The following INTS9 variants were observed in gnomAD, a reference collection of about 807,000 sequenced individuals.
The protein encoded by INTS9 is protein related to CPSF subunits of 74 kDa.
Under a neutral mutation model 79.7 loss-of-function variants are expected in INTS9, and 55 were observed. The ratio of observed to expected loss-of-function variants is 0.69; its 90% CI spans 0.56 to 0.86. The LOEUF is 0.86. INTS9 is among the 40% of genes least tolerant of loss of function. INTS9 has a pLI of 0.00. For missense variants in INTS9, 721 were observed against 831.5 expected (o/e 0.87, Z 1.64); for synonymous variants, 319 against 325.2 (o/e 0.98, Z 0.20).
chr8:28,816,077 T>C (rs1351536723), intron 6 of INTS9, among the ~76,000 whole-genome samples: 1 of 151,862 alleles, frequency 6.6e-6, no homozygotes, highest in Non-Finnish European at 1.5e-5. Flanking sequence ...ATATTTAAGA[T>C]ACTCAAAGAA....
chr8:28,851,735 C>A (rs1229846041), intron 2 of INTS9, among the ~76,000 whole-genome samples: 1 of 151,582 alleles, frequency 6.6e-6, no homozygotes, highest in African/African-American at 2.4e-5. Context: ...CTGCACCCAG[C>A]CGGGGGTGGG....
intron 10 of INTS9, among the ~76,000 whole-genome samples, chr8:28,788,156 G>C (rs34195227): frequency 0.082 from 12,453 of 152,214 alleles, 706 homozygotes; most frequent in Non-Finnish European, 0.12. Context: ...AAGCTGCAAA[G>C]ACAGTACAGA....
chr8:28,860,412 A>G (rs532305606), intron 1 of INTS9, among the ~76,000 whole-genome samples: 2 of 152,210 alleles, frequency 1.3e-5, no homozygotes, highest in Admixed American at 1.3e-4. Context: ...CCCTCCCTTG[A>G]GCAACAGAGC....
At chr8:28,795,922 T>G (rs1182925852) in intron 9 of INTS9, among the ~76,000 whole-genome samples, 1 of 152,216 alleles carries the variant, frequency 6.6e-6, no homozygotes, top group East Asian at 1.9e-4. Context: ...GAAAATAAAT[T>G]TCTTCCAGGT....
chr8:28,781,782 T>C (rs1803282100), intron 11 of INTS9, among the ~76,000 whole-genome samples: 1 of 151,890 alleles, frequency 6.6e-6, no homozygotes, highest in African/African-American at 2.4e-5. Flanking sequence ...TCGTGGAGAG[T>C]GAAATGAACA....
chr8:28,794,217 T>C (rs573742517), intron 9 of INTS9, among the ~76,000 whole-genome samples: 1 of 152,204 alleles, frequency 6.6e-6, no homozygotes, highest in Non-Finnish European at 1.5e-5. Flanking sequence ...ATAGAGCATG[T>C]GACTACGGGT....
At chr8:28,830,353 G>A (rs1381154704) in intron 6 of INTS9, among the ~76,000 whole-genome samples, 8 of 152,060 alleles carry the variant, frequency 5.3e-5, no homozygotes, top group Non-Finnish European at 1.2e-4. Flanking sequence ...AGCTCTTCAG[G>A]CCAGGCATGG....
chr8:28,881,252 G>T (rs1185022172), intron 1 of INTS9, among the ~76,000 whole-genome samples: 99 of 136,800 alleles, frequency 7.2e-4, no homozygotes, highest in African/African-American at 2.4e-3. Flanking sequence ...GGAGGGAGGT[G>T]GGGGGGTCAG....
Position 28,777,235 on chromosome 8 carries a change from C to T in INTS9, c.1395+594G>A, listed in dbSNP as rs1297528680. ...TTCCTCGCCGGTGTCAGCTGTCCTCCTTGCCAATTCCAGTTCCTCTCCCGA... is the reference window on the plus strand; with the variant it reads ...TTCCTCGCCGGTGTCAGCTGTCCTCTTTGCCAATTCCAGTTCCTCTCCCGA... On this transcript the variant is annotated intron_variant, in intron 13 of 16. Transcript: ENST00000521022. Among the ~76,000 whole-genome samples, 3 of 152,100 alleles carry T rather than the reference C, an allele frequency of 2.0e-5. No homozygotes were observed. In the East Asian group the frequency reaches 5.8e-4, roughly 29 times the overall value.
Position 28,768,268 on chromosome 8 carries a change from G to A in INTS9, c.1855C>T (p.Leu619Phe). Residue 619 changes from leucine (L) to phenylalanine (F), a missense_variant, in exon 17 of 17, where the codon CTC becomes TTC. Coordinates refer to ENST00000521022, the MANE Select transcript of INTS9 (RefSeq NM_018250.4). ...EDTAKGHIVL[L>F]QEAETLIQIE... ...TGGATGAGCGTCTCAGCCTCCTGGA[G>A]CAGGACGATATGGCCCTTGGCTGTG... 6.2e-7 allele frequency: 1 copy of A among 1,614,044 alleles called. No individual in the cohort carries two copies. The highest frequency in any genetic ancestry group is 1.1e-5 in the South Asian group (1 of 91,082).
intron 10 of INTS9, among the ~76,000 whole-genome samples, chr8:28,789,475 G>T (rs754100249): frequency 5.8e-5 from 8 of 136,910 alleles, no homozygotes; most frequent in Non-Finnish European, 1.4e-4. Flanking sequence ...GTGTATACCA[G>T]ATTATCAGGA....
intron 16 of INTS9, 56 bp from the exon 17 acceptor site, chr8:28,768,378 T>C (rs770389884): frequency 1.3e-6 from 2 of 1,514,446 alleles, no homozygotes; most frequent in Non-Finnish European, 1.8e-6. Context: ...CTGTGAGATC[T>C]GTAAATGACA....
intron 6 of INTS9, among the ~76,000 whole-genome samples, chr8:28,826,486 CT>C (rs1369358458): frequency 6.6e-6 from 1 of 152,212 alleles, no homozygotes; most frequent in Non-Finnish European, 1.5e-5. Flanking sequence ...CTGGTCCAGT[CT>C]GACCTGCCCG....
intron 4 of INTS9, among the ~76,000 whole-genome samples, chr8:28,843,260 G>A (rs893075885): frequency 5.3e-5 from 8 of 152,144 alleles, no homozygotes; most frequent in Non-Finnish European, 7.3e-5. Flanking sequence ...AAAAAAACCC[G>A]AGTGCATTTG....
Position 28,866,001 on chromosome 8 carries a change from C to T in INTS9, c.10-6438G>A, listed in dbSNP as rs544926513. On this transcript the variant is annotated intron_variant, in intron 1 of 16. Transcript: ENST00000521022. ...GGGTATTTTCTTCAGATTTATCTTA[C>T]ATTTTGCTAATTCTTTCTTTAGTGG... is the stretch of plus-strand genomic sequence containing the variant. 4.9e-4 allele frequency among the ~76,000 whole-genome samples: 75 copies of T among 151,982 alleles called. 1 individual carries two copies. Among genetic ancestry groups the T allele is most frequent in the African/African-American group, 1.8e-3 (73 of 41,448 alleles).
intron 10 of INTS9, 161 bp downstream of exon 10, chr8:28,793,646 C>T (rs775139186): frequency 1.1e-5 from 7 of 648,696 alleles, no homozygotes; most frequent in Non-Finnish European, 1.5e-5. Context: ...AGCAATGCAA[C>T]AGATTTGGCT....
chr8:28,797,533 G>C (rs970298696), intron 8 of INTS9, among the ~76,000 whole-genome samples: 25 of 152,008 alleles, frequency 1.6e-4, no homozygotes, highest in African/African-American at 5.8e-4. Flanking sequence ...GAACTCCCAG[G>C]GCACACTACT....
chr8:28,877,748 T>C (rs2131361851), intron 1 of INTS9, among the ~76,000 whole-genome samples: 1 of 152,344 alleles, frequency 6.6e-6, no homozygotes, highest in African/African-American at 2.4e-5. Context: ...TTTTGAGATA[T>C]ATTGACACTA....
chr8:28,775,729 A>G (rs749446245), intron 14 of INTS9, 30 bp downstream of exon 14: 2 of 1,611,438 alleles, frequency 1.2e-6, no homozygotes, highest in South Asian at 2.2e-5. Context: ...GGAAAGCTCT[A>G]GTTTAACCCT....
Sources: gnomAD v4.1 joint callset for allele counts (sites outside exome capture counted in the v4.1 genomes callset) on GRCh38, gnomAD v4.1.1 for gene constraint, MANE v1.5 for transcripts, NCBI Gene and HGNC (gene_info 2026-07-23, HGNC 2026-07-21) for gene names.